Variants in GPM6A observed in about 807,000 individuals in gnomAD.
GPM6A encodes the protein glycoprotein M6A, also known as neuronal membrane glycoprotein M6-a.
Under a neutral mutation model 32.1 loss-of-function variants are expected in GPM6A, and 7 were observed. That is an observed-to-expected ratio of 0.22 (90% confidence interval 0.12 to 0.41). The LOEUF is 0.41. GPM6A is among the 10% of genes least tolerant of loss of function. GPM6A has a pLI of 1.00. For missense variants in GPM6A, 235 were observed against 347.2 expected (o/e 0.68, Z 2.57); for synonymous variants, 130 against 123.4 (o/e 1.05, Z -0.35).
At chr4:175,786,443 G>C (rs1733801840) in intron 1 of GPM6A, among the ~76,000 whole-genome samples, 1 of 151,382 alleles carries the variant, frequency 6.6e-6, no homozygotes, top group African/African-American at 2.4e-5. Flanking sequence ...CTGAACCTTT[G>C]CCCTCTCTAC....
At chr4:175,650,354 G>T (rs1954771792) in intron 4 of GPM6A, among the ~76,000 whole-genome samples, 1 of 151,178 alleles carries the variant, frequency 6.6e-6, no homozygotes, top group Non-Finnish European at 1.5e-5. Flanking sequence ...GCCCAGTCTG[G>T]AATGCAGTGG....
chr4:175,688,791 T>C (rs1399280898), intron 2 of GPM6A, among the ~76,000 whole-genome samples: 1 of 152,158 alleles, frequency 6.6e-6, no homozygotes, highest in Non-Finnish European at 1.5e-5. Context: ...TACCAATAAA[T>C]ACATACATAC....
At chr4:175,819,018 T>C (rs1030117073) in intron 1 of GPM6A, among the ~76,000 whole-genome samples, 1 of 152,184 alleles carries the variant, frequency 6.6e-6, no homozygotes, top group South Asian at 2.1e-4. Flanking sequence ...CCTATAACCA[T>C]AAAGGTGATC....
At chr4:175,731,966 A>ATTTTTT (rs35116129) in intron 1 of GPM6A, among the ~76,000 whole-genome samples, 1 of 123,710 alleles carries the variant, frequency 8.1e-6, no homozygotes, top group Non-Finnish European at 1.6e-5. Context: ...TCCTCACTTC[A>ATTTTTT]TTTTTTTTTT....
intron 1 of GPM6A, among the ~76,000 whole-genome samples, chr4:175,794,823 A>G (rs1734154286): frequency 9.1e-6 from 1 of 109,880 alleles, no homozygotes; most frequent in African/African-American, 3.5e-5. Context: ...TAGGCCTAGA[A>G]ACTTTGCTTT....
intron 1 of GPM6A, among the ~76,000 whole-genome samples, chr4:175,985,855 G>A (rs895231583): frequency 1.3e-5 from 2 of 151,490 alleles, no homozygotes; most frequent in African/African-American, 4.9e-5. Context: ...ACTAAGGCTG[G>A]AGTGCAGTGG....
At chr4:175,718,223 T>C (rs1172607649) in intron 1 of GPM6A, among the ~76,000 whole-genome samples, 5 of 152,182 alleles carry the variant, frequency 3.3e-5, no homozygotes, top group African/African-American at 1.2e-4. Context: ...ACACAAGAAT[T>C]AACTAATCAA....
chr4:175,683,709 G>C (rs924570218), intron 2 of GPM6A, among the ~76,000 whole-genome samples: 2 of 152,150 alleles, frequency 1.3e-5, no homozygotes, highest in East Asian at 3.9e-4. Flanking sequence ...GGCCATGTGA[G>C]GTGCCTGCTC....
At chr4:175,779,727 G>GT (rs1195812109) in intron 1 of GPM6A, among the ~76,000 whole-genome samples, 3 of 152,122 alleles carry the variant, frequency 2.0e-5, no homozygotes, top group Non-Finnish European at 4.4e-5. Flanking sequence ...TCTGCACTTA[G>GT]TTTTTCCCTT....
chr4:176,002,291 G>A (rs933672819), intron 1 of GPM6A: 23 of 1,599,226 alleles, frequency 1.4e-5, no homozygotes, highest in Non-Finnish European at 1.6e-5. Flanking sequence ...AGGTGTACGC[G>A]CCCGCCCGCG....
At chr4:175,836,750 A>G (rs574231206) in intron 1 of GPM6A, among the ~76,000 whole-genome samples, 8 of 152,306 alleles carry the variant, frequency 5.3e-5, no homozygotes, top group African/African-American at 1.2e-4. Context: ...TGATGTTACA[A>G]TGACAATGGG....
At position 175,681,184 on chromosome 4, in the gene GPM6A, A is replaced by G. The variant is rs545398648; in HGVS notation, c.231-7348T>C. ...TGTTACGTATTGCCAATTCCTCTCT[A>G]TAGGTCTTGTACCATTTTGTATTCC... On this transcript the variant is annotated intron_variant, in intron 2 of 6. Transcript: ENST00000393658. Among the ~76,000 whole-genome samples the G allele has an allele frequency of 3.5e-4, 53 of 152,314 alleles. 1 individual carries two copies. In the South Asian group the frequency reaches 0.011, roughly 32 times the overall value.
intron 1 of GPM6A, among the ~76,000 whole-genome samples, chr4:175,784,856 T>C (rs758397678): frequency 1.3e-5 from 2 of 152,154 alleles, no homozygotes. Flanking sequence ...GTACTGGCCA[T>C]TGCACTTATC....
intron 1 of GPM6A, among the ~76,000 whole-genome samples, chr4:175,894,804 T>A (rs957052458): frequency 6.8e-6 from 1 of 146,310 alleles, no homozygotes; most frequent in Non-Finnish European, 1.5e-5. Flanking sequence ...CAAAATATTA[T>A]ACAAAGAATA....
intron 3 of GPM6A, among the ~76,000 whole-genome samples, chr4:175,657,221 T>A (rs1329066841): frequency 6.6e-6 from 1 of 152,336 alleles, no homozygotes; most frequent in East Asian, 1.9e-4. Flanking sequence ...TTAAATTTTA[T>A]CAAAGGCAGA....
At chr4:175,911,950 G>A (rs1405910330) in intron 1 of GPM6A, among the ~76,000 whole-genome samples, 2 of 152,146 alleles carry the variant, frequency 1.3e-5, no homozygotes, top group Non-Finnish European at 2.9e-5. Context: ...GGCATAATTT[G>A]AGGTCATTTT....
At chr4:175,991,233 T>TAA (rs1741132134) in intron 1 of GPM6A, among the ~76,000 whole-genome samples, 1 of 123,132 alleles carries the variant, frequency 8.1e-6, no homozygotes, top group African/African-American at 3.2e-5. Flanking sequence ...TCCCAGCTAT[T>TAA]TTTTTTTTTT....
At chr4:175,654,321 T>C (rs1423605882) in intron 3 of GPM6A, 3 of 152,190 alleles carry the variant, frequency 2.0e-5, no homozygotes, top group Non-Finnish European at 4.4e-5. Context: ...TTGAGTGTAG[T>C]CTGCTCTTTA....
At chr4:175,810,357 C>T (rs927668962) in intron 1 of GPM6A, among the ~76,000 whole-genome samples, 1 of 152,130 alleles carries the variant, frequency 6.6e-6, no homozygotes, top group African/African-American at 2.4e-5. Flanking sequence ...ATATTGTATT[C>T]ATATACATTT....
Sources: gnomAD v4.1 joint callset for allele counts (sites outside exome capture counted in the v4.1 genomes callset) on GRCh38, gnomAD v4.1.1 for gene constraint, MANE v1.5 for transcripts, NCBI Gene and HGNC (gene_info 2026-07-23, HGNC 2026-07-21) for gene names.